Variants in LRRC7 observed in about 807,000 individuals in gnomAD.
LRRC7 encodes the protein leucine-rich repeat-containing protein 7.
Under a neutral mutation model 175.7 loss-of-function variants are expected in LRRC7, and 23 were observed. The ratio of observed to expected loss-of-function variants is 0.13; its 90% confidence interval spans 0.09 to 0.19. The LOEUF is 0.19. LRRC7 is among the 10% of genes least tolerant of loss of function. LRRC7 has a pLI of 1.00. For synonymous variants in LRRC7, 685 were observed against 680.9 expected, an observed-to-expected ratio of 1.01 and a Z score of -0.09; for missense variants, 1,354 against 1,904.7, an observed-to-expected ratio of 0.71 and a Z score of 5.38.
intron 11 of LRRC7, among the ~76,000 whole-genome samples, chr1:70,001,300 G>C (rs1300694232): frequency 6.6e-6 from 1 of 152,052 alleles, no homozygotes; most frequent in Admixed American, 6.6e-5. Context: ...ATTTAGAACT[G>C]TCATGCACCT....
intron 1 of LRRC7, among the ~76,000 whole-genome samples, chr1:69,611,756 G>T (rs912825757): frequency 7.9e-5 from 12 of 151,782 alleles, no homozygotes; most frequent in Admixed American, 6.6e-4. Flanking sequence ...TTTCAACAGT[G>T]GAATCTCCAA....
Position 70,023,341 on chromosome 1 carries a change from A to G in LRRC7, c.1761A>G (p.Gln587=), listed in dbSNP as rs756923005. 1.9e-6 allele frequency: 3 copies of G among 1,609,348 alleles called. No individual in the cohort carries two copies. Among genetic ancestry groups the G allele is most frequent in the Non-Finnish European group, 2.5e-6 (3 of 1,176,980 alleles). The part of the protein sequence containing the change: ...SMCTPLPVAA[Q]STTLPSLSGR... ...GTACTCCATTGCCAGTTGCAGCACA[A>G]TCCACCACTCTTCCCTCTCTAAGTG... The change falls in exon 17 of 27, where the codon CAA becomes CAG. Residue 587 remains glutamine (Q), a synonymous_variant. Coordinates refer to ENST00000651989, the MANE Select transcript of LRRC7 (RefSeq NM_001370785.2).
At chr1:69,893,733 C>T (rs960617913) in intron 7 of LRRC7, among the ~76,000 whole-genome samples, 3 of 152,152 alleles carry the variant, frequency 2.0e-5, no homozygotes, top group African/African-American at 7.2e-5. Flanking sequence ...AACCATGTAG[C>T]TTCTAATAAT....
At chr1:69,599,457 C>T (rs1259398094) in intron 1 of LRRC7, among the ~76,000 whole-genome samples, 1 of 152,074 alleles carries the variant, frequency 6.6e-6, no homozygotes, top group African/African-American at 2.4e-5. Context: ...GTCTTTATGT[C>T]CTAAGCCATT....
intron 3 of LRRC7, among the ~76,000 whole-genome samples, chr1:69,783,191 C>T (rs1673969854): frequency 6.6e-6 from 1 of 152,178 alleles, no homozygotes; most frequent in Admixed American, 6.5e-5. Flanking sequence ...CCCATCCCCA[C>T]CTTCTACTCA....
intron 4 of LRRC7, among the ~76,000 whole-genome samples, chr1:69,802,619 A>G (rs1676650311): frequency 6.6e-6 from 1 of 151,262 alleles, no homozygotes; most frequent in Non-Finnish European, 1.5e-5. Flanking sequence ...GCTTACCAGT[A>G]AGGTGAATTT....
chr1:69,665,699 T>C (rs1658160171), intron 1 of LRRC7, among the ~76,000 whole-genome samples: 1 of 152,146 alleles, frequency 6.6e-6, no homozygotes, highest in Non-Finnish European at 1.5e-5. Context: ...CTGAATTTGT[T>C]TATAAGTTCT....
At chr1:69,918,746 T>C (rs903235580) in intron 7 of LRRC7, among the ~76,000 whole-genome samples, 2 of 152,118 alleles carry the variant, frequency 1.3e-5, no homozygotes, top group African/African-American at 4.8e-5. Context: ...AATGAAACTA[T>C]AGTGATGATA....
chr1:69,960,818 C>G (rs1398854894), intron 8 of LRRC7, among the ~76,000 whole-genome samples: 1 of 151,836 alleles, frequency 6.6e-6, no homozygotes, highest in Admixed American at 6.6e-5. Context: ...ACTAGGTGTT[C>G]AAGGAACATA....
At chr1:69,806,932 C>T (rs891032687) in intron 4 of LRRC7, among the ~76,000 whole-genome samples, 23 of 152,000 alleles carry the variant, frequency 1.5e-4, no homozygotes, top group African/African-American at 5.3e-4. Context: ...GGCATCTCTT[C>T]TTACTTGCTC....
chr1:69,576,737 T>C (rs1645966282), intron 1 of LRRC7, among the ~76,000 whole-genome samples: 1 of 152,198 alleles, frequency 6.6e-6, no homozygotes, highest in South Asian at 2.1e-4. Context: ...ATGGTTCTTA[T>C]TCATGCCAGC....
intron 1 of LRRC7, among the ~76,000 whole-genome samples, chr1:69,594,461 G>A (rs968382729): frequency 6.6e-6 from 1 of 152,010 alleles, no homozygotes; most frequent in Admixed American, 6.6e-5. Context: ...CTTCAAAGTA[G>A]CCCCTAGGAC....
At chr1:70,005,588 C>G (rs1331302367) in intron 11 of LRRC7, among the ~76,000 whole-genome samples, 1 of 152,146 alleles carries the variant, frequency 6.6e-6, no homozygotes, top group Non-Finnish European at 1.5e-5. Flanking sequence ...CATTATTACT[C>G]CCAGTAGCAT....
At chr1:69,743,649 C>T (rs922412940) in intron 2 of LRRC7, among the ~76,000 whole-genome samples, 3 of 151,820 alleles carry the variant, frequency 2.0e-5, no homozygotes, top group Non-Finnish European at 4.4e-5. Flanking sequence ...ATGATGCTTC[C>T]AAAGGTTTAG....
rs186707131 is a variant in LRRC7 at position 69,572,389 on chromosome 1, C to T, written c.2+3748C>T. On this transcript the variant is annotated intron_variant, in intron 1 of 26. Coordinates refer to ENST00000651989, the MANE Select transcript of LRRC7 (RefSeq NM_001370785.2). The stretch of plus-strand genomic sequence containing the variant: ...TAAGCTATTGTAATTAAATCAAATA[C>T]CTAAATCAAAAGAAGGAGATTCATA... Among the ~76,000 whole-genome samples, 184 of 152,092 alleles carry T rather than the reference C, an allele frequency of 1.2e-3. 1 individual carries two copies. Among genetic ancestry groups the T allele is most frequent in the Admixed American group, 3.4e-3 (52 of 15,262 alleles).
At chr1:69,664,626 G>A (rs984918121) in intron 1 of LRRC7, among the ~76,000 whole-genome samples, 1 of 152,122 alleles carries the variant, frequency 6.6e-6, no homozygotes, top group African/African-American at 2.4e-5. Context: ...TGTCTATTCA[G>A]ATATTTTGTC....
At chr1:70,109,327 G>A (rs898673328) in intron 26 of LRRC7, among the ~76,000 whole-genome samples, 27 of 151,954 alleles carry the variant, frequency 1.8e-4, no homozygotes, top group African/African-American at 4.1e-4. Context: ...CGGCCTCTCC[G>A]AAATATTTTA....
chr1:69,785,234 T>C (rs1674269320), intron 3 of LRRC7, among the ~76,000 whole-genome samples: 3 of 152,130 alleles, frequency 2.0e-5, no homozygotes, highest in Admixed American at 2.0e-4. Flanking sequence ...CTATACTAGG[T>C]ACATTTATAA....
At chr1:69,796,986 A>G (rs530312881) in intron 4 of LRRC7, among the ~76,000 whole-genome samples, 2 of 152,198 alleles carry the variant, frequency 1.3e-5, no homozygotes, top group South Asian at 4.2e-4. Context: ...ATTTGACTAG[A>G]TTGTGAGACC....
Sources: allele counts gnomAD v4.1 joint callset (sites outside exome capture counted in the v4.1 genomes callset), GRCh38; gene constraint gnomAD v4.1.1; transcripts MANE v1.5; gene names NCBI Gene and HGNC (gene_info 2026-07-23, HGNC 2026-07-21).